The following EYS variants were observed in gnomAD, a reference collection of about 807,000 sequenced individuals.
EYS encodes the protein EGF-like photoreceptor maintenance factor.
A neutral mutation model predicts 282.1 loss-of-function variants in EYS; 250 were observed. The observed-to-expected ratio is 0.89, with a 90% CI of 0.80 to 0.98. The LOEUF (loss-of-function observed/expected upper bound fraction) is 0.98. Among genes scored for constraint, EYS ranks in the 50% least tolerant of loss-of-function variants. EYS has a pLI of 0.00. For missense variants in EYS, 4,016 were observed against 3,709.0 expected (o/e 1.08, Z -2.15); for synonymous variants, 1,355 against 1,282.9 (o/e 1.06, Z -1.20).
intron 31 of EYS, among the ~76,000 whole-genome samples, chr6:64,176,628 A>C (rs544419001): frequency 6.6e-6 from 1 of 151,890 alleles, no homozygotes; most frequent in African/African-American, 2.4e-5. Flanking sequence ...TTTTCATTCA[A>C]ATTTTTGAAA....
chr6:64,333,156 G>GC (rs199970680), intron 29 of EYS, among the ~76,000 whole-genome samples: 4,728 of 152,190 alleles, frequency 0.031, 231 homozygotes, highest in African/African-American at 0.11. Flanking sequence ...GAAACAGGCA[G>GC]CCCAAGAATG....
At chr6:65,299,157 G>A (rs1768746116) in intron 11 of EYS, among the ~76,000 whole-genome samples, 1 of 152,028 alleles carries the variant, frequency 6.6e-6, no homozygotes, top group Admixed American at 6.6e-5. Flanking sequence ...ATCATAAAAT[G>A]TTTTAGTATT....
intron 30 of EYS, among the ~76,000 whole-genome samples, chr6:64,271,087 GTT>G (rs1289628608): frequency 6.6e-6 from 1 of 152,130 alleles, no homozygotes; most frequent in Non-Finnish European, 1.5e-5. Context: ...AGTTGTTTCA[GTT>G]TTTAGCAGTT....
At chr6:64,469,866 T>C (rs919992024) in intron 26 of EYS, among the ~76,000 whole-genome samples, 1 of 152,110 alleles carries the variant, frequency 6.6e-6, no homozygotes. Flanking sequence ...TCACGTTCCA[T>C]CCTGTACACC....
At chr6:65,423,134 G>A (rs1767529183) in intron 5 of EYS, among the ~76,000 whole-genome samples, 1 of 151,690 alleles carries the variant, frequency 6.6e-6, no homozygotes, top group Non-Finnish European at 1.5e-5. Context: ...AATTAAATGA[G>A]GGAAAACAAA....
chr6:64,031,577 G>T (rs1231701263), intron 33 of EYS, among the ~76,000 whole-genome samples: 2 of 152,256 alleles, frequency 1.3e-5, no homozygotes, highest in African/African-American at 2.4e-5. Flanking sequence ...GGTGAAGCCA[G>T]CGGGGCTCCT....
intron 2 of EYS, among the ~76,000 whole-genome samples, chr6:65,628,321 T>C (rs1292525138): frequency 1.3e-5 from 2 of 152,076 alleles, no homozygotes; most frequent in South Asian, 2.1e-4. Context: ...TGAAGAACCT[T>C]TGTATCTAGC....
chr6:64,796,789 T>C (rs75531832), intron 22 of EYS, among the ~76,000 whole-genome samples: 103 of 152,272 alleles, frequency 6.8e-4, no homozygotes, highest in Non-Finnish European at 1.2e-3. Flanking sequence ...TTGCATATCC[T>C]AGACACCGTT....
rs183046650 is a variant in EYS, at chr6:64,688,283, C to T, written c.3444-62038G>A. 3.6e-3 allele frequency among the ~76,000 whole-genome samples: 540 copies of T among 151,822 alleles called. 4 individuals are homozygous for T. Among genetic ancestry groups the T allele is most frequent in the African/African-American group, 0.012 (492 of 41,358 alleles). The stretch of plus-strand genomic sequence containing the variant: ...TTCTGCTAGCTTTTGAATGTGTTTG[C>T]TCTTGCTTATCTAGTTCTTTTAATT... On this transcript the variant is annotated intron_variant, in intron 22 of 42. Transcript: ENST00000503581.
rs1342114923 is a variant in EYS, at chr6:65,579,560, C to CTGGTGAGGCCTCTCTTTCT, written c.-333+60199_-333+60217dup. On this transcript the variant is annotated intron_variant, in intron 2 of 42. Transcript: ENST00000503581. ...ATCAGGGTGCCAGCACGGTGAGGTT[C>CTGGTGAGGCCTCTCTTTCT]TGGTGAGGCCTCTCTTTCTTCCTTG... is the stretch of plus-strand genomic sequence containing the variant. Among the ~76,000 whole-genome samples, 6 of 152,172 alleles carry CTGGTGAGGCCTCTCTTTCT rather than the reference C, an allele frequency of 3.9e-5. No homozygotes were observed. In the East Asian group the frequency reaches 1.2e-3, roughly 30 times the overall value.
intron 42 of EYS, among the ~76,000 whole-genome samples, chr6:63,722,374 T>A (rs1768433146): frequency 6.6e-6 from 1 of 152,204 alleles, no homozygotes; most frequent in African/African-American, 2.4e-5. Context: ...GAAGTTTTCC[T>A]TGATTTCCCA....
chr6:64,136,102 ACAATGTTCCCAGCATCTTCAC>A (rs1167705554), intron 31 of EYS, among the ~76,000 whole-genome samples: 4 of 151,750 alleles, frequency 2.6e-5, no homozygotes, highest in Non-Finnish European at 5.9e-5. Context: ...TGTTATTTCA[ACAATGTTCCCAGCATCTTCAC>A]CAGGAGTAGA....
chr6:65,068,772 G>A (rs557520345), intron 12 of EYS, among the ~76,000 whole-genome samples: 3 of 151,988 alleles, frequency 2.0e-5, no homozygotes, highest in Non-Finnish European at 4.4e-5. Flanking sequence ...AAAAAAAATT[G>A]TTGGCAAGCA....
At chr6:63,868,049 C>G (rs1204556909) in intron 35 of EYS, among the ~76,000 whole-genome samples, 3 of 152,090 alleles carry the variant, frequency 2.0e-5, no homozygotes. Context: ...TCTGAAAACA[C>G]ATATATCCGT....
At chr6:63,921,040 T>G (rs632024) in intron 35 of EYS, among the ~76,000 whole-genome samples, 102,294 of 151,926 alleles carry the variant, frequency 0.67, 34,598 homozygotes, top group South Asian at 0.74. Context: ...CTACAGGCAC[T>G]GGCCACCACA....
At chr6:64,458,927 A>T (rs184905966) in intron 26 of EYS, among the ~76,000 whole-genome samples, 1 of 152,286 alleles carries the variant, frequency 6.6e-6, no homozygotes, top group East Asian at 1.9e-4. Context: ...ACTGTTCATT[A>T]TGTTAAACAC....
chr6:63,850,286 A>G (rs1321681231), intron 36 of EYS, among the ~76,000 whole-genome samples: 3 of 152,248 alleles, frequency 2.0e-5, no homozygotes, highest in Non-Finnish European at 4.4e-5. Flanking sequence ...TCCCCAATCT[A>G]GCAAGACAGG....
chr6:64,804,332 T>C (rs1764359698), intron 22 of EYS, among the ~76,000 whole-genome samples: 2 of 152,194 alleles, frequency 1.3e-5, no homozygotes, highest in African/African-American at 2.4e-5. Flanking sequence ...CATCAATATT[T>C]ACTTCTTTTC....
intron 41 of EYS, among the ~76,000 whole-genome samples, chr6:63,731,534 C>G (rs1768780486): frequency 6.6e-6 from 1 of 152,044 alleles, no homozygotes; most frequent in African/African-American, 2.4e-5. Context: ...TGGTCTTTTA[C>G]AATTTACTTG....
Sources: allele counts gnomAD v4.1 joint callset (sites outside exome capture counted in the v4.1 genomes callset), GRCh38; gene constraint gnomAD v4.1.1; transcripts MANE v1.5; gene names NCBI Gene and HGNC (gene_info 2026-07-23, HGNC 2026-07-21).